The following HTR3B variants were observed in gnomAD, a reference collection of about 807,000 sequenced individuals.
HTR3B encodes the protein 5-hydroxytryptamine (serotonin) receptor 3B, ionotropic.
In HTR3B, 44 loss-of-function variants were observed where a neutral mutation model predicts 42.8. The observed-to-expected ratio is 1.03, with a 90% CI of 0.81 to 1.32. HTR3B has a LOEUF of 1.32. Among genes scored for constraint, HTR3B ranks in the 40% most tolerant of loss-of-function variants. The probability of loss-of-function intolerance (pLI) is 0.00; values close to 1 mark genes in which losing one functional copy is unlikely to be tolerated. For missense variants in HTR3B, 527 were observed against 536.5 expected (o/e 0.98, Z 0.17); for synonymous variants, 203 against 209.0 (o/e 0.97, Z 0.25).
chr11:113,904,476 A>T (rs375617915), upstream of HTR3B, among the ~76,000 whole-genome samples: 6 of 152,360 alleles, frequency 3.9e-5, no homozygotes, highest in East Asian at 1.2e-3. Context: ...TGAAGATGTT[A>T]CTGCATAAGT....
chr11:113,927,106 T>G (rs1949983160), intron 2 of HTR3B, among the ~76,000 whole-genome samples: 1 of 152,236 alleles, frequency 6.6e-6, no homozygotes, highest in Non-Finnish European at 1.5e-5. Flanking sequence ...TTATCATTTT[T>G]ACTTGTCATA....
intron 6 of HTR3B, among the ~76,000 whole-genome samples, 161 bp downstream of exon 6, chr11:113,933,254 C>G (rs2276308): frequency 0.2 from 30,107 of 152,102 alleles, 3,242 homozygotes; most frequent in South Asian, 0.33. Flanking sequence ...TCCAGCATTT[C>G]ACAGAGCAGA....
rs11214764 is a variant in HTR3B, at chr11:113,906,757, G to A, written c.52+1772G>A. ...GCTTCATGACCTTGGGCAGTGCTAA[G>A]CTCACTATGCCAATAGTCCCTCATC... is the stretch of plus-strand genomic sequence containing the variant. On this transcript the variant is annotated intron_variant, in intron 1 of 8. Coordinates refer to ENST00000260191, the MANE Select transcript of HTR3B (RefSeq NM_006028.5). Among the ~76,000 whole-genome samples, 1,293 of 152,232 alleles carry A rather than the reference G, an allele frequency of 8.5e-3. 7 individuals carry two copies. The highest frequency in any genetic ancestry group is 0.02 in the Middle Eastern group (6 of 294).
At chr11:113,922,430 C>A (rs1949924899) in intron 2 of HTR3B, among the ~76,000 whole-genome samples, 1 of 151,992 alleles carries the variant, frequency 6.6e-6, no homozygotes, top group South Asian at 2.1e-4. Context: ...GACTTAATTT[C>A]GCCATGTTGC....
At chr11:113,927,885 ATTTAAT>A (rs1353396216) in intron 2 of HTR3B, among the ~76,000 whole-genome samples, 3 of 152,058 alleles carry the variant, frequency 2.0e-5, no homozygotes, top group Admixed American at 2.0e-4. Flanking sequence ...GTAAAATTTA[ATTTAAT>A]TTTAAGTTCC....
intron 2 of HTR3B, among the ~76,000 whole-genome samples, chr11:113,918,955 C>A (rs1308725113): frequency 6.6e-6 from 1 of 152,100 alleles, no homozygotes; most frequent in Non-Finnish European, 1.5e-5. Flanking sequence ...CAGTGACCAG[C>A]CAATCTATGC....
upstream of HTR3B, among the ~76,000 whole-genome samples, chr11:113,903,353 G>T (rs1949708648): frequency 6.6e-6 from 1 of 152,078 alleles, no homozygotes; most frequent in Non-Finnish European, 1.5e-5. Flanking sequence ...CTGCTAAGTG[G>T]ACAGAGCTAG....
chr11:113,921,511 T>TACTC (rs71063535), intron 2 of HTR3B, among the ~76,000 whole-genome samples: 60,364 of 150,496 alleles, frequency 0.4, 12,710 homozygotes, highest in African/African-American at 0.52. Context: ...TAGTCCCAGA[T>TACTC]GGGAGGCTGA....
rs1950186311 is a variant in HTR3B, at chr11:113,947,071, G to C, written c.*934G>C. On this transcript the variant is annotated 3_prime_UTR_variant, in exon 9 of 9. Coordinates refer to ENST00000260191, the MANE Select transcript of HTR3B (RefSeq NM_006028.5). ...ACCCTCTTCCTGTGCCCCTTCAGCA[G>C]TGCATCCCCACTGGAGAGAACCCAG... Among the ~76,000 whole-genome samples the C allele has an allele frequency of 6.6e-6, 1 of 151,580 alleles. No homozygotes were observed. Among genetic ancestry groups the C allele is most frequent in the African/African-American group, 2.4e-5 (1 of 41,268 alleles).
chr11:113,937,803 G>A (rs879711400), intron 6 of HTR3B, among the ~76,000 whole-genome samples: 11 of 152,320 alleles, frequency 7.2e-5, no homozygotes, highest in East Asian at 1.9e-4. Context: ...TTGGCAGGTC[G>A]CGTGTATTAG....
At chr11:113,943,266 G>A in intron 7 of HTR3B, 74 bp downstream of exon 7, 1 of 1,269,792 alleles carries the variant, frequency 7.9e-7, no homozygotes. Context: ...GCCAGGCATG[G>A]TGGCTCATGC....
At chr11:113,899,084 G>T in the HTR3B span, among the ~76,000 whole-genome samples, 1 of 152,138 alleles carries the variant, frequency 6.6e-6, no homozygotes, top group Non-Finnish European at 1.5e-5. Flanking sequence ...GCACAATGAG[G>T]TAAGTCTGAC....
At chr11:113,931,630 C>A in intron 3 of HTR3B, 128 bp from the exon 4 acceptor site, 1 of 688,200 alleles carries the variant, frequency 1.5e-6, no homozygotes, top group South Asian at 1.9e-5. Flanking sequence ...GATGGGAAGT[C>A]CTTTCTCCTA....
Position 113,939,645 on chromosome 11 carries a change from C to T in HTR3B, c.697-3337C>T, listed in dbSNP as rs370978161. On this transcript the variant is annotated intron_variant, in intron 6 of 8. Transcript: ENST00000260191. ...TCTGTCCCAGACATAGATTTGCTGT[C>T]GTGTCAGCCTCTGGGTGGAGAGGTG... Among the ~76,000 whole-genome samples the T allele has an allele frequency of 1.7e-3, 263 of 152,260 alleles. 1 individual carries two copies. Among genetic ancestry groups the T allele is most frequent in the Non-Finnish European group, 2.8e-3 (192 of 68,024 alleles).
upstream of HTR3B, among the ~76,000 whole-genome samples, chr11:113,901,791 C>T (rs986774108): frequency 6.6e-6 from 1 of 152,170 alleles, no homozygotes; most frequent in Non-Finnish European, 1.5e-5. Flanking sequence ...GAGGGAAGCA[C>T]GTCCCCAGAA....
At chr11:113,933,432 C>T (rs1283386893) in intron 6 of HTR3B, among the ~76,000 whole-genome samples, 1 of 152,172 alleles carries the variant, frequency 6.6e-6, no homozygotes, top group African/African-American at 2.4e-5. Flanking sequence ...CAGACAAACC[C>T]ACACACAACA....
chr11:113,944,869 T>C, intron 8 of HTR3B, 114 bp downstream of exon 8: 1 of 917,450 alleles, frequency 1.1e-6, no homozygotes, highest in East Asian at 2.6e-5. Context: ...CTACAACAAC[T>C]GCTTCTTAGC....
At chr11:113,903,813 G>T (rs2137478449), upstream of HTR3B, among the ~76,000 whole-genome samples, 1 of 152,202 alleles carries the variant, frequency 6.6e-6, no homozygotes, top group South Asian at 2.1e-4. Context: ...AACACCAAAT[G>T]GTTATCTTAG....
chr11:113,911,977 C>T (rs1332951495), intron 2 of HTR3B, among the ~76,000 whole-genome samples: 1 of 152,134 alleles, frequency 6.6e-6, no homozygotes, highest in African/African-American at 2.4e-5. Context: ...GGTTGTAGAA[C>T]TCCATGTGAT....
Sources: gnomAD v4.1 joint callset for allele counts (sites outside exome capture counted in the v4.1 genomes callset) on GRCh38, gnomAD v4.1.1 for gene constraint, MANE v1.5 for transcripts, NCBI Gene and HGNC (gene_info 2026-07-23, HGNC 2026-07-21) for gene names.